Variants in XKR6 observed in about 807,000 individuals in gnomAD.
XKR6 encodes the protein XK related 6.
Under a neutral mutation model 56.7 loss-of-function variants are expected in XKR6, and 22 were observed. That is an observed-to-expected ratio of 0.39 (90% CI 0.28 to 0.55). The LOEUF (loss-of-function observed/expected upper bound fraction) is 0.55, where lower values mean the gene tolerates loss of function less well. Ranked by LOEUF, XKR6 falls within the 20% of genes least tolerant of loss-of-function variation. The pLI is 0.66. For synonymous variants in XKR6, 524 were observed against 387.8 expected, an observed-to-expected ratio of 1.35 and a Z score of -4.13; for missense variants, 852 against 889.0, an observed-to-expected ratio of 0.96 and a Z score of 0.53.
intron 2 of XKR6, among the ~76,000 whole-genome samples, chr8:10,916,575 A>G (rs1175942170): frequency 6.6e-6 from 1 of 152,234 alleles, no homozygotes; most frequent in Non-Finnish European, 1.5e-5. Context: ...AACTGATCCA[A>G]CCGCTAAGAG....
rs377096770 is a variant in XKR6 at position 11,114,952 on chromosome 8, G to C, written c.764+85624C>G. ...CTCACTCATTCAACAAATACCGAAT[G>C]TTTCTAAGCACCGGAATTAAGTGCT... On this transcript the variant is annotated intron_variant, in intron 1 of 2. Transcript: ENST00000416569. Among the ~76,000 whole-genome samples the C allele has an allele frequency of 1.5e-4, 23 of 152,248 alleles. No homozygotes were observed. In the East Asian group the frequency reaches 4.2e-3, roughly 28 times the overall value.
At chr8:10,917,112 G>A (rs1416488234) in intron 2 of XKR6, among the ~76,000 whole-genome samples, 6 of 151,804 alleles carry the variant, frequency 4.0e-5, no homozygotes, top group Non-Finnish European at 7.4e-5. Context: ...TGGTATCTGT[G>A]GTTATGGATG....
chr8:11,194,923 C>T (rs1331347156), intron 1 of XKR6: 6 of 534,366 alleles, frequency 1.1e-5, no homozygotes, highest in African/African-American at 5.8e-5. Flanking sequence ...GTTGCAATTT[C>T]GCTCCAAAGC....
chr8:11,078,818 C>T (rs1342705372), intron 1 of XKR6, among the ~76,000 whole-genome samples: 2 of 152,178 alleles, frequency 1.3e-5, no homozygotes, highest in African/African-American at 4.8e-5. Flanking sequence ...CCAGTCTCAG[C>T]ACCATAGGAG....
chr8:11,108,082 G>A, intron 1 of XKR6: 1 of 333,868 alleles, frequency 3.0e-6, no homozygotes, highest in Non-Finnish European at 5.8e-6. Flanking sequence ...AACAGGTGGA[G>A]AATCCCAGAT....
chr8:11,114,110 T>C (rs568248842), intron 1 of XKR6: 1 of 441,818 alleles, frequency 2.3e-6, no homozygotes, highest in African/African-American at 2.0e-5. Context: ...TAAAAATACA[T>C]GTGAATGAAC....
chr8:10,937,821 A>G (rs1801258632), intron 1 of XKR6, among the ~76,000 whole-genome samples: 1 of 151,832 alleles, frequency 6.6e-6, no homozygotes, highest in South Asian at 2.1e-4. Flanking sequence ...AGACAGGGAC[A>G]TTTAAGTCTG....
intron 1 of XKR6, among the ~76,000 whole-genome samples, chr8:11,169,753 C>A (rs1344555388): frequency 6.6e-6 from 1 of 152,168 alleles, no homozygotes; most frequent in Non-Finnish European, 1.5e-5. Flanking sequence ...TGCCAGTGAA[C>A]TGTACACTTT....
rs78336324 is a variant in XKR6 at position 11,175,842 on chromosome 8, G to C, written c.764+24734C>G. On this transcript the variant is annotated intron_variant, in intron 1 of 2. Transcript: ENST00000416569. ...CATCCGTCCGTCAACAGTCCCCAAG[G>C]TGCTAATCAGCATTCATCATGATCC... Among the ~76,000 whole-genome samples, 3 of 152,070 alleles carry C rather than the reference G, an allele frequency of 2.0e-5. No individual in the cohort carries two copies. In the East Asian group the frequency reaches 5.8e-4, roughly 29 times the overall value.
intron 1 of XKR6, among the ~76,000 whole-genome samples, chr8:11,159,393 G>T (rs4473998): frequency 4.3e-4 from 65 of 152,236 alleles, no homozygotes; most frequent in African/African-American, 1.4e-3. Flanking sequence ...AGTCTGTTAC[G>T]ACAGCTATGG....
intron 1 of XKR6, among the ~76,000 whole-genome samples, chr8:11,090,868 G>T (rs1367652866): frequency 6.6e-6 from 1 of 151,734 alleles, no homozygotes; most frequent in Admixed American, 6.6e-5. Context: ...ATGTGTCCTG[G>T]ATATAGTTTT....
At chr8:11,108,755 G>T (rs1006948893) in intron 1 of XKR6, 9 of 179,274 alleles carry the variant, frequency 5.0e-5, no homozygotes, top group Non-Finnish European at 9.3e-5. Context: ...AACAGAGTCA[G>T]ATCACCGGCC....
At chr8:11,141,383 A>AC (rs899189867) in intron 1 of XKR6, among the ~76,000 whole-genome samples, 10 of 151,956 alleles carry the variant, frequency 6.6e-5, no homozygotes, top group Admixed American at 5.9e-4. Flanking sequence ...ATGAGGGTAG[A>AC]CCCCCCATGA....
At chr8:11,030,026 C>T (rs554063712) in intron 1 of XKR6, among the ~76,000 whole-genome samples, 1 of 152,136 alleles carries the variant, frequency 6.6e-6, no homozygotes, top group Non-Finnish European at 1.5e-5. Context: ...CTCCACAACC[C>T]GCTATGGCTC....
At chr8:11,041,787 A>C (rs1799293043) in intron 1 of XKR6, among the ~76,000 whole-genome samples, 1 of 152,192 alleles carries the variant, frequency 6.6e-6, no homozygotes, top group Admixed American at 6.5e-5. Flanking sequence ...AAATCCTGGG[A>C]CCTTACGCTA....
rs376311072 is a variant in XKR6 at position 10,977,042 on chromosome 8, G to A, written c.765-52212C>T. Among the ~76,000 whole-genome samples the A allele has an allele frequency of 3.9e-5, 6 of 152,252 alleles. No individual in the cohort carries two copies. The East Asian group carries it at 5.8e-4, about 15-fold the overall frequency. ...AGGATGAACAGCTGCCAAGGGCTAAGCAGATCCAAAAAAGGCCAGGTGACA... is the reference window on the plus strand; with the variant it reads ...AGGATGAACAGCTGCCAAGGGCTAAACAGATCCAAAAAAGGCCAGGTGACA... On this transcript the variant is annotated intron_variant, in intron 1 of 2. Transcript: ENST00000416569.
chr8:10,993,253 C>G (rs954890682), intron 1 of XKR6, among the ~76,000 whole-genome samples: 7 of 152,238 alleles, frequency 4.6e-5, no homozygotes, highest in African/African-American at 1.7e-4. Flanking sequence ...CATTGAATGC[C>G]TCTTACCAAT....
At chr8:10,998,393 A>G (rs142518434) in intron 1 of XKR6, among the ~76,000 whole-genome samples, 93 of 152,350 alleles carry the variant, frequency 6.1e-4, no homozygotes, top group African/African-American at 1.9e-3. Context: ...AAGCCCTAGA[A>G]TAACGAGTCT....
intron 1 of XKR6, among the ~76,000 whole-genome samples, chr8:10,964,945 C>T (rs565974329): frequency 3.7e-4 from 56 of 152,214 alleles, no homozygotes; most frequent in Non-Finnish European, 6.3e-4. Flanking sequence ...AATCCACATC[C>T]CCGTGCAGGT....
Sources: gnomAD v4.1 joint callset for allele counts (sites outside exome capture counted in the v4.1 genomes callset) on GRCh38, gnomAD v4.1.1 for gene constraint, MANE v1.5 for transcripts, NCBI Gene and HGNC (gene_info 2026-07-23, HGNC 2026-07-21) for gene names.